Variants in SSH2 observed in about 807,000 individuals in gnomAD.
SSH2 encodes protein phosphatase Slingshot homolog 2.
SSH2 carries 37 observed loss-of-function variants against 135.2 expected under a neutral mutation model. The observed-to-expected ratio is 0.27, with a 90% CI of 0.21 to 0.36. The LOEUF (loss-of-function observed/expected upper bound fraction) is 0.36, where lower values mean the gene tolerates loss of function less well. SSH2 is among the 10% of genes least tolerant of loss of function. The pLI, the probability that SSH2 is intolerant of heterozygous loss-of-function variation, is 1.00. For synonymous variants in SSH2, 628 were observed against 646.2 expected (o/e 0.97, Z 0.43); for missense variants, 1,408 against 1,765.3 (o/e 0.80, Z 3.63).
intron 1 of SSH2, among the ~76,000 whole-genome samples, chr17:29,865,319 T>C (rs2065835094): frequency 6.6e-6 from 1 of 152,160 alleles, no homozygotes; most frequent in African/African-American, 2.4e-5. Flanking sequence ...ACATCAGAGC[T>C]TGGAGGGAAG....
At chr17:29,919,689 CT>C (rs770940170) in intron 1 of SSH2, among the ~76,000 whole-genome samples, 197 of 142,822 alleles carry the variant, frequency 1.4e-3, no homozygotes, top group Admixed American at 1.5e-3. Context: ...AAGAATTACA[CT>C]TTTTTTTTTT....
chr17:29,878,696 AAAT>A (rs1173976621), intron 1 of SSH2, among the ~76,000 whole-genome samples: 1 of 152,210 alleles, frequency 6.6e-6, no homozygotes, highest in Non-Finnish European at 1.5e-5. Flanking sequence ...ATTCCATATT[AAAT>A]AATGAGTTAC....
chr17:29,652,090 C>T (rs534662436), intron 12 of SSH2, among the ~76,000 whole-genome samples: 2 of 152,008 alleles, frequency 1.3e-5, no homozygotes, highest in East Asian at 1.9e-4. Context: ...TGCAGTGAGT[C>T]GAGATTGCGC....
intron 6 of SSH2, among the ~76,000 whole-genome samples, chr17:29,680,179 T>G (rs2037911848): frequency 6.6e-6 from 1 of 152,126 alleles, no homozygotes; most frequent in Non-Finnish European, 1.5e-5. Flanking sequence ...AATACCAAAC[T>G]TTAACTGTTA....
intron 1 of SSH2, among the ~76,000 whole-genome samples, chr17:29,884,967 G>A (rs1342089885): frequency 1.3e-5 from 2 of 152,118 alleles, no homozygotes; most frequent in Admixed American, 6.5e-5. Flanking sequence ...GTGGATGCTT[G>A]TAAAGATGCA....
rs866697826 is a variant in SSH2 at position 29,897,022 on chromosome 17, A to T, written c.63+32916T>A. On this transcript the variant is annotated intron_variant, in intron 1 of 15. Coordinates refer to ENST00000540801, the MANE Select transcript of SSH2 (RefSeq NM_001282129.2). ...TAAAGACATACATATATGGGTGTGT[A>T]TATATATATTTATATAATTTCTATG... Among the ~76,000 whole-genome samples, 8 of 152,056 alleles carry T rather than the reference A, an allele frequency of 5.3e-5. No homozygotes were observed. The South Asian group carries it at 1.7e-3, about 32-fold the overall frequency.
At chr17:29,699,264 T>C (rs1281279596) in intron 4 of SSH2, among the ~76,000 whole-genome samples, 2 of 152,194 alleles carry the variant, frequency 1.3e-5, no homozygotes, top group African/African-American at 4.8e-5. Flanking sequence ...ATACCCTTTT[T>C]TGATTGCAAA....
intron 2 of SSH2, among the ~76,000 whole-genome samples, chr17:29,836,650 T>G (rs2042948565): frequency 6.6e-6 from 1 of 152,206 alleles, no homozygotes; most frequent in South Asian, 2.1e-4. Flanking sequence ...TAGCCATCTT[T>G]TCAGTTATTT....
At chr17:29,760,738 A>G (rs1435959788) in intron 3 of SSH2, among the ~76,000 whole-genome samples, 7 of 151,362 alleles carry the variant, frequency 4.6e-5, no homozygotes, top group Non-Finnish European at 8.9e-5. Flanking sequence ...AAAAAAAAAA[A>G]CCCATAATCA....
Position 29,930,105 on chromosome 17 carries a change from A to G in SSH2, c.-105T>C. 1.2e-6 allele frequency: 1 copy of G among 869,136 alleles called. No individual in the cohort carries two copies. The highest frequency in any genetic ancestry group is 1.7e-6 in the Non-Finnish European group (1 of 573,786). 53.8% of individuals were successfully genotyped at this position (869,136 alleles called of 1,614,324 possible). A position where few individuals can be genotyped will look rare whatever the true frequency, so the allele number is the denominator to read the frequency against. On this transcript the variant is annotated 5_prime_UTR_variant, in exon 1 of 16. Coordinates refer to ENST00000540801, the MANE Select transcript of SSH2 (RefSeq NM_001282129.2). ...GGAAAGGGGTGCGGGGTGGGGGTGAAGGGAACGGGGAGGAGGAGGAGGCCG... is the reference window on the plus strand; with the variant it reads ...GGAAAGGGGTGCGGGGTGGGGGTGAGGGGAACGGGGAGGAGGAGGAGGCCG...
At chr17:29,633,033 A>G (rs2035754179) in intron 15 of SSH2, 102 bp from the exon 16 acceptor site, 1 of 1,069,178 alleles carries the variant, frequency 9.4e-7, no homozygotes. Flanking sequence ...AACCTATCTG[A>G]CTAAGAGAAT....
intron 3 of SSH2, chr17:29,787,584 T>C (rs2041992415): frequency 6.6e-6 from 1 of 152,182 alleles, no homozygotes; most frequent in South Asian, 2.1e-4. Context: ...AGCTATGCCA[T>C]TTTACATTCC....
intron 2 of SSH2, among the ~76,000 whole-genome samples, chr17:29,844,815 G>T (rs2043104101): frequency 6.6e-6 from 1 of 152,202 alleles, no homozygotes; most frequent in African/African-American, 2.4e-5. Context: ...CTGCACTCCT[G>T]CCTTCTCTTC....
intron 1 of SSH2, among the ~76,000 whole-genome samples, chr17:29,869,976 T>C (rs1290361160): frequency 6.6e-6 from 1 of 152,114 alleles, no homozygotes; most frequent in Non-Finnish European, 1.5e-5. Flanking sequence ...TATTGGTCGG[T>C]ACTATTTTTT....
At chr17:29,924,816 G>T (rs972195350) in intron 1 of SSH2, among the ~76,000 whole-genome samples, 1 of 152,112 alleles carries the variant, frequency 6.6e-6, no homozygotes, top group Non-Finnish European at 1.5e-5. Context: ...GAGTTAATAG[G>T]CTTCAAACAA....
At chr17:29,810,100 T>G (rs182825263) in intron 2 of SSH2, among the ~76,000 whole-genome samples, 149 of 152,318 alleles carry the variant, frequency 9.8e-4, no homozygotes, top group African/African-American at 3.3e-3. Context: ...AAATTTTGAA[T>G]AAATGACTAA....
intron 11 of SSH2, among the ~76,000 whole-genome samples, chr17:29,662,104 G>A (rs969629617): frequency 1.3e-5 from 2 of 152,138 alleles, no homozygotes; most frequent in Non-Finnish European, 2.9e-5. Flanking sequence ...ATTATGCAAA[G>A]CATATTCTAA....
intron 9 of SSH2, among the ~76,000 whole-genome samples, chr17:29,668,645 G>A (rs542071231): frequency 3.5e-4 from 54 of 152,296 alleles, no homozygotes; most frequent in African/African-American, 1.2e-3. Context: ...GCTGAGGTGG[G>A]AGGACTGCTT....
intron 3 of SSH2, among the ~76,000 whole-genome samples, chr17:29,725,559 T>A (rs1163495840): frequency 6.6e-6 from 1 of 152,156 alleles, no homozygotes; most frequent in African/African-American, 2.4e-5. Context: ...CATGGAATAC[T>A]ATGCAGCCAT....
Sources: allele counts gnomAD v4.1 joint callset (sites outside exome capture counted in the v4.1 genomes callset), GRCh38; gene constraint gnomAD v4.1.1; transcripts MANE v1.5; gene names NCBI Gene and HGNC (gene_info 2026-07-23, HGNC 2026-07-21).